CALB1: variants seen among roughly 807,000 people sequenced by gnomAD.
CALB1 encodes calbindin.
In CALB1, 16 loss-of-function variants were observed where a neutral mutation model predicts 46.7. That is an observed-to-expected ratio of 0.34 (90% CI 0.23 to 0.52). The LOEUF is 0.52. Ranked by LOEUF, CALB1 falls within the 20% of genes least tolerant of loss-of-function variation. CALB1 has a pLI of 0.95. For synonymous variants in CALB1, 90 were observed against 112.8 expected, an observed-to-expected ratio of 0.80 and a Z score of 1.28; for missense variants, 224 against 300.3, an observed-to-expected ratio of 0.75 and a Z score of 1.88.
intron 3 of CALB1, among the ~76,000 whole-genome samples, chr8:90,070,007 A>G (rs1814479768): frequency 6.7e-6 from 1 of 149,532 alleles, no homozygotes; most frequent in East Asian, 2.0e-4. Context: ...AAAGGATTCC[A>G]TATCCCATTT....
intron 1 of CALB1, 94 bp from the exon 2 acceptor site, chr8:90,082,196 A>C (rs1814745609): frequency 9.1e-7 from 1 of 1,103,870 alleles, no homozygotes. Context: ...TGGCGACCCG[A>C]GAGGCTCTCT....
At chr8:90,080,833 A>C (rs1814716685) in intron 2 of CALB1, among the ~76,000 whole-genome samples, 1 of 152,084 alleles carries the variant, frequency 6.6e-6, no homozygotes, top group Non-Finnish European at 1.5e-5. Flanking sequence ...CACAATTTTC[A>C]ATTTAGATAG....
intron 2 of CALB1, among the ~76,000 whole-genome samples, chr8:90,078,869 T>C (rs1008982590): frequency 1.3e-5 from 2 of 152,060 alleles, no homozygotes; most frequent in African/African-American, 2.4e-5. Flanking sequence ...CATAATGTTT[T>C]ATCTATGGAG....
chr8:90,078,554 A>C, intron 2 of CALB1, 107 bp from the exon 3 acceptor site: 2 of 644,596 alleles, frequency 3.1e-6, no homozygotes, highest in Admixed American at 5.5e-5. Flanking sequence ...AGAACCATTT[A>C]GAAATATGCA....
At chr8:90,068,930 G>A (rs1259181497) in intron 5 of CALB1, 68 bp downstream of exon 5, 5 of 1,158,142 alleles carry the variant, frequency 4.3e-6, no homozygotes, top group Non-Finnish European at 6.2e-6. Context: ...TTTTTAAAAA[G>A]CTAGGAAACT....
chr8:90,065,834 G>A lies in CALB1; in HGVS notation c.450+64C>T, dbSNP rs1814385636. 4 of 1,012,592 alleles carry A rather than the reference G, an allele frequency of 4.0e-6. No homozygotes were observed. In the South Asian group the frequency reaches 5.2e-5, roughly 13 times the overall value. 62.7% of individuals were successfully genotyped at this position (1,012,592 alleles called of 1,614,324 possible). A position where few individuals can be genotyped will look rare whatever the true frequency, so the allele number is the denominator to read the frequency against. On this transcript the variant is annotated intron_variant, in intron 6 of 10. Transcript: ENST00000265431. Reference sequence around the variant, plus strand: ...TATTTCATCCTGTGTAGCCTTGGGAGTTAGCAAGAACATCATACTACTTCA... The same window carrying A: ...TATTTCATCCTGTGTAGCCTTGGGAATTAGCAAGAACATCATACTACTTCA...
chr8:90,062,282 C>A (rs1814316461), intron 9 of CALB1: 1 of 151,880 alleles, frequency 6.6e-6, no homozygotes, highest in African/African-American at 2.4e-5. Context: ...TTGTTCTTAG[C>A]AATGATATTG....
Position 90,059,707 on chromosome 8 carries a change from A to G in CALB1, c.*466T>C, listed in dbSNP as rs1054417819. ...TTTTGGTGAGTATTTTAGATGGAAA[A>G]GCACATTCCTCCTAATAGTTAGAAA... On this transcript the variant is annotated 3_prime_UTR_variant, in exon 11 of 11. Coordinates refer to ENST00000265431, the MANE Select transcript of CALB1 (RefSeq NM_004929.4). 6.5e-5 allele frequency: 10 copies of G among 153,938 alleles called. No homozygotes were observed. The highest frequency in any genetic ancestry group is 1.0e-4 in the Non-Finnish European group (7 of 69,232). 9.5% of individuals were successfully genotyped at this position (153,938 alleles called of 1,614,324 possible).
chr8:90,082,256 C>T, intron 1 of CALB1, 154 bp from the exon 2 acceptor site: 2 of 658,650 alleles, frequency 3.0e-6, no homozygotes, highest in Admixed American at 2.8e-5. Context: ...GTGAAGCGCT[C>T]CCCTCCTGGG....
intron 3 of CALB1, 117 bp downstream of exon 3, chr8:90,078,256 T>C (rs1465426688): frequency 3.2e-6 from 2 of 631,318 alleles, no homozygotes; most frequent in Non-Finnish European, 5.5e-6. Flanking sequence ...AATGTATTAC[T>C]TAGGTAAAAT....
chr8:90,063,113 T>C lies in CALB1; in HGVS notation c.587A>G (p.Glu196Gly). The C allele has an allele frequency of 6.2e-7, 1 of 1,608,044 alleles. No homozygotes were observed. Among genetic ancestry groups the C allele is most frequent in the Non-Finnish European group, 8.5e-7 (1 of 1,175,576 alleles). ...MCGKEFNKAF[E>G]LYDQDGNGYI... is the part of the protein sequence containing the mutation. ...ACAAACTTTTACCTGATCATACAGC[T>C]CAAAAGCCTTATTGAACTCTTTCCC... Residue 196 changes from glutamate (E) to glycine (G), a missense_variant, in exon 9 of 11, where the codon GAG becomes GGG. Coordinates refer to ENST00000265431, the MANE Select transcript of CALB1 (RefSeq NM_004929.4).
At chr8:90,082,517 T>G in intron 1 of CALB1, 102 bp downstream of exon 1, 1 of 945,938 alleles carries the variant, frequency 1.1e-6, no homozygotes, top group Non-Finnish European at 1.7e-6. Flanking sequence ...AAGTAAAGAA[T>G]AGAAAGGAGG....
At chr8:90,076,167 C>T (rs1273931990) in intron 3 of CALB1, among the ~76,000 whole-genome samples, 4 of 152,026 alleles carry the variant, frequency 2.6e-5, no homozygotes, top group South Asian at 2.1e-4. Context: ...AATTATGTTT[C>T]GAGTGCTTTG....
intron 5 of CALB1, among the ~76,000 whole-genome samples, chr8:90,066,709 G>GT (rs1043071808): frequency 1.3e-4 from 20 of 152,094 alleles, no homozygotes; most frequent in Non-Finnish European, 1.8e-4. Flanking sequence ...ATGAATTTAA[G>GT]TTTTTTTAAC....
At chr8:90,071,392 TC>T (rs893972680) in intron 3 of CALB1, among the ~76,000 whole-genome samples, 1 of 151,574 alleles carries the variant, frequency 6.6e-6, no homozygotes, top group Admixed American at 6.6e-5. Context: ...AATGTAGGTC[TC>T]CCCCCAGAGC....
chr8:90,082,173 A>G, intron 1 of CALB1, 71 bp from the exon 2 acceptor site: 1 of 1,367,826 alleles, frequency 7.3e-7, no homozygotes, highest in East Asian at 2.3e-5. Context: ...ACTTTCCAAG[A>G]CAGTTATCTT....
At chr8:90,082,576 A>G (rs774845919) in intron 1 of CALB1, 43 bp downstream of exon 1, 4 of 1,507,504 alleles carry the variant, frequency 2.7e-6, no homozygotes, top group Non-Finnish European at 2.8e-6. Flanking sequence ...GGGAAGGGGC[A>G]TGGAAACGGG....
chr8:90,060,328 G>T, intron 10 of CALB1, 42 bp from the exon 11 acceptor site: 2 of 1,189,366 alleles, frequency 1.7e-6, no homozygotes, highest in Non-Finnish European at 2.5e-6. Flanking sequence ...GTTAAATATG[G>T]AAGTTAATTA....
At chr8:90,071,379 T>C (rs1023428041) in intron 3 of CALB1, among the ~76,000 whole-genome samples, 2 of 152,012 alleles carry the variant, frequency 1.3e-5, no homozygotes, top group Non-Finnish European at 2.9e-5. Flanking sequence ...AAGTTAGGCC[T>C]AGAATGTAGG....
Sources: allele counts gnomAD v4.1 joint callset (sites outside exome capture counted in the v4.1 genomes callset), GRCh38; gene constraint gnomAD v4.1.1; transcripts MANE v1.5; gene names NCBI Gene and HGNC (gene_info 2026-07-23, HGNC 2026-07-21).